COL18A1: variants seen among roughly 807,000 people sequenced by gnomAD.
The protein encoded by COL18A1 is collagen alpha-1(XVIII) chain.
Under a neutral mutation model 168.0 loss-of-function variants are expected in COL18A1, and 133 were observed. The observed-to-expected ratio is 0.79, with a 90% CI of 0.69 to 0.91. The LOEUF (loss-of-function observed/expected upper bound fraction) is 0.91. Ranked by LOEUF, COL18A1 falls within the 40% of genes least tolerant of loss-of-function variation. COL18A1 has a pLI of 0.00. For missense variants in COL18A1, 2,126 were observed against 1,925.4 expected (o/e 1.10, Z -1.95); for synonymous variants, 949 against 809.0 (o/e 1.17, Z -2.94).
At chr21:45,456,058 C>G in intron 2 of COL18A1, 1 of 1,606,494 alleles carries the variant, frequency 6.2e-7, no homozygotes, top group South Asian at 1.1e-5. Flanking sequence ...GCATTCCTAG[C>G]TCTCCGGGCG....
At chr21:45,499,018 C>T (rs901001163) in intron 32 of COL18A1, among the ~76,000 whole-genome samples, 2 of 152,142 alleles carry the variant, frequency 1.3e-5, no homozygotes, top group Non-Finnish European at 2.9e-5. Flanking sequence ...TGTTTGCAGG[C>T]GGAATGGCTG....
chr21:45,406,447 T>C (rs961919951), intron 2 of COL18A1, among the ~76,000 whole-genome samples: 3 of 152,248 alleles, frequency 2.0e-5, no homozygotes, highest in African/African-American at 4.8e-5. Context: ...AATAGTAGCA[T>C]AGACCTTTCA....
intron 2 of COL18A1, among the ~76,000 whole-genome samples, chr21:45,436,536 C>G (rs780208644): frequency 6.6e-6 from 1 of 152,110 alleles, no homozygotes; most frequent in African/African-American, 2.4e-5. Flanking sequence ...TCTTTGTGGG[C>G]GCCTGTGCCT....
At position 45,473,827 on chromosome 21, in the gene COL18A1, C is replaced by G; in HGVS notation, c.652-68C>G. The G allele has an allele frequency of 7.5e-7, 1 of 1,331,420 alleles. No homozygotes were observed. Among genetic ancestry groups the G allele is most frequent in the Non-Finnish European group, 1.1e-6 (1 of 948,960 alleles). The allele number at this position is 1,331,420 out of a possible 1,614,324, so 82.5% of individuals were successfully genotyped here. ...TGTGGGCCCCCCGAAATCTGGAGCTCAAGCAGCACCGGGGTTGCCACTGCC... is the reference window on the plus strand; with the variant it reads ...TGTGGGCCCCCCGAAATCTGGAGCTGAAGCAGCACCGGGGTTGCCACTGCC... On this transcript the variant is annotated intron_variant, in intron 3 of 41. Transcript: ENST00000651438. The surrounding 1 kb of genome is among the most constrained non-coding windows in gnomAD (Gnocchi z 4.0).
chr21:45,405,397 G>A lies in COL18A1; in HGVS notation c.30G>A (p.Pro10=). The A allele has an allele frequency of 1.5e-6, 2 of 1,313,406 alleles. No individual in the cohort carries two copies. The highest frequency in any genetic ancestry group is 9.7e-7 in the Non-Finnish European group (1 of 1,028,154). The allele number at this position is 1,313,406 out of a possible 1,614,324, so 81.4% of individuals were successfully genotyped here. Reference sequence around the variant, plus strand: ...CGCGCAGGTGCCCCTGGCCATGGCCGCGGCGGCGGCGCCTCCTGGACGTGC... The same window carrying A: ...CGCGCAGGTGCCCCTGGCCATGGCCACGGCGGCGGCGCCTCCTGGACGTGC... MAPRCPWPW[P]RRRRLLDVLA... is the part of the protein sequence containing the mutation. The change falls in exon 2 of 42, where the codon CCG becomes CCA. Residue 10 remains proline, a synonymous_variant. Coordinates refer to ENST00000651438, the MANE Select transcript of COL18A1 (RefSeq NM_001379500.1).
chr21:45,439,448 C>T (rs1326035551), intron 2 of COL18A1, among the ~76,000 whole-genome samples: 1 of 152,270 alleles, frequency 6.6e-6, no homozygotes, highest in Non-Finnish European at 1.5e-5. Flanking sequence ...CGTATCGCAA[C>T]GTGTGCGTTA....
chr21:45,441,338 C>T (rs1451114393), intron 2 of COL18A1, among the ~76,000 whole-genome samples: 4 of 152,194 alleles, frequency 2.6e-5, no homozygotes, highest in Non-Finnish European at 4.4e-5. Flanking sequence ...TGGGGCAAGA[C>T]GCTGCCCCTA....
rs766184067 is a variant in COL18A1 at position 45,479,931 on chromosome 21, G to C, written c.1278G>C (p.Gly426=). The C allele has an allele frequency of 6.2e-7, 1 of 1,613,840 alleles. No homozygotes were observed. The highest frequency in any genetic ancestry group is 1.1e-5 in the South Asian group (1 of 91,080). ...PGDTGPQGFP[G]TPGDVGPKGD... is the part of the protein sequence containing the mutation. ...ACACCGGGCCACAAGGCTTCCCCGGGACTCCAGGGGACGTAGGTCCCAAGG... is the reference window on the plus strand; with the variant it reads ...ACACCGGGCCACAAGGCTTCCCCGGCACTCCAGGGGACGTAGGTCCCAAGG... The change falls in exon 10 of 42, where the codon GGG becomes GGC. Residue 426 remains glycine, a synonymous_variant. Coordinates refer to ENST00000651438, the MANE Select transcript of COL18A1 (RefSeq NM_001379500.1).
chr21:45,408,780 G>A (rs1011165372), intron 2 of COL18A1, among the ~76,000 whole-genome samples: 1 of 152,178 alleles, frequency 6.6e-6, no homozygotes, highest in African/African-American at 2.4e-5. Flanking sequence ...AAGGAGACCC[G>A]GCTGGGTCTG....
chr21:45,481,535 C>T (rs1025059209), intron 13 of COL18A1, among the ~76,000 whole-genome samples: 1 of 152,232 alleles, frequency 6.6e-6, no homozygotes, highest in African/African-American at 2.4e-5. Flanking sequence ...CCTGAGCCAG[C>T]CAACCCTACC....
rs112911974 is a variant in COL18A1, at chr21:45,495,600, CCA to C, written c.2508+174_2508+175del. The stretch of plus-strand genomic sequence containing the variant: ...CATACCCATGCACAGTCATACATGT[CCA>C]CACACGCACACGTGTGCCCAAACAT... On this transcript the variant is annotated intron_variant, in intron 29 of 41. Coordinates refer to ENST00000651438, the MANE Select transcript of COL18A1 (RefSeq NM_001379500.1). 7.8e-6 allele frequency: 4 copies of C among 511,428 alleles called. No homozygotes were observed. The Admixed American group carries it at 1.2e-4, about 16-fold the overall frequency. The allele number at this position is 511,428 out of a possible 1,614,324, so 31.7% of individuals were successfully genotyped here.
chr21:45,476,902 GTGA>G (rs949797385), intron 6 of COL18A1, among the ~76,000 whole-genome samples: 1 of 148,386 alleles, frequency 6.7e-6, no homozygotes, highest in East Asian at 2.0e-4. Context: ...GTACATGTGT[GTGA>G]TGTGTATTAT....
chr21:45,413,806 T>C (rs1006239444), intron 2 of COL18A1, among the ~76,000 whole-genome samples: 1 of 151,952 alleles, frequency 6.6e-6, no homozygotes, highest in Middle Eastern at 3.2e-3. Flanking sequence ...AGAGGCAGGG[T>C]AGAGGATGGA....
At chr21:45,469,115 AC>A (rs1181402141) in intron 3 of COL18A1, among the ~76,000 whole-genome samples, 1 of 152,044 alleles carries the variant, frequency 6.6e-6, no homozygotes, top group Non-Finnish European at 1.5e-5. Flanking sequence ...CCCTCTTTGA[AC>A]GACTTTGTAA....
intron 32 of COL18A1, among the ~76,000 whole-genome samples, chr21:45,503,676 A>G (rs1375511235): frequency 1.3e-5 from 2 of 150,706 alleles, no homozygotes; most frequent in Non-Finnish European, 3.0e-5. Flanking sequence ...TGGGAGATAT[A>G]CCTAATGCTA....
chr21:45,455,195 G>C (rs1260630640), intron 2 of COL18A1, among the ~76,000 whole-genome samples: 1 of 152,258 alleles, frequency 6.6e-6, no homozygotes, highest in Non-Finnish European at 1.5e-5. Flanking sequence ...CCCCAATCCA[G>C]AGACTCAGCA....
At position 45,413,587 on chromosome 21, in the gene COL18A1, GC is replaced by G. The variant is rs202077062; in HGVS notation, c.106+8116del. Among the ~76,000 whole-genome samples, 1,515 of 152,342 alleles carry G rather than the reference GC, an allele frequency of 9.9e-3. 22 individuals are homozygous for G. The highest frequency in any genetic ancestry group is 0.034 in the African/African-American group (1,411 of 41,584). On this transcript the variant is annotated intron_variant, in intron 2 of 41. Coordinates refer to ENST00000651438, the MANE Select transcript of COL18A1 (RefSeq NM_001379500.1). ...TTTGTAAAGTTTAGCCTCATGTGCT[GC>G]CTCTGAGGAGGAGTTCAGAGAACAT... is the stretch of plus-strand genomic sequence containing the variant.
chr21:45,510,740 T>C (rs1032648466), intron 40 of COL18A1, among the ~76,000 whole-genome samples: 1 of 152,028 alleles, frequency 6.6e-6, no homozygotes, highest in African/African-American at 2.4e-5. Flanking sequence ...GCACCCACAT[T>C]CCCCAGAACC....
intron 6 of COL18A1, 123 bp from the exon 7 acceptor site, chr21:45,477,288 A>C: frequency 1.3e-6 from 1 of 740,784 alleles, no homozygotes; most frequent in South Asian, 1.5e-5. Context: ...TGGGGATCTG[A>C]CAGTGTCCAG....
Sources: gnomAD v4.1 joint callset for allele counts (sites outside exome capture counted in the v4.1 genomes callset) on GRCh38, gnomAD v4.1.1 for gene constraint, Gnocchi (gnomAD v3.1) non-coding constraint, MANE v1.5 for transcripts, NCBI Gene and HGNC (gene_info 2026-07-23, HGNC 2026-07-21) for gene names.